PRPF18: variants seen among roughly 807,000 people sequenced by gnomAD.
The protein encoded by PRPF18 is pre-mRNA-splicing factor 18.
A neutral mutation model predicts 46.5 loss-of-function variants in PRPF18; 38 were observed. The ratio of observed to expected loss-of-function variants is 0.82; its 90% CI spans 0.63 to 1.07. The LOEUF (loss-of-function observed/expected upper bound fraction) is 1.07, where lower values mean the gene tolerates loss of function less well. PRPF18 is among the 50% of genes least tolerant of loss of function. PRPF18 has a pLI of 0.00. For missense variants in PRPF18, 263 were observed against 410.0 expected, an observed-to-expected ratio of 0.64 and a Z score of 3.10; for synonymous variants, 152 against 146.7, an observed-to-expected ratio of 1.04 and a Z score of -0.26.
intron 8 of PRPF18, among the ~76,000 whole-genome samples, chr10:13,615,710 G>T (rs2080328890): frequency 6.6e-6 from 1 of 152,014 alleles, no homozygotes; most frequent in African/African-American, 2.4e-5. Context: ...CAGCTAGCCA[G>T]GCTTGGTTAG....
rs557702663 is a variant in PRPF18, at chr10:13,607,103, T to G, written c.363+1359T>G. 2.0e-5 allele frequency among the ~76,000 whole-genome samples: 3 copies of G among 152,278 alleles called. No homozygotes were observed. In the East Asian group the frequency reaches 5.8e-4, roughly 29 times the overall value. On this transcript the variant is annotated intron_variant, in intron 4 of 9. Transcript: ENST00000378572. ...AAGTCTTTCTTTCCTTATTTATTTA[T>G]TTTTTTGACACAGAGTCTCACTCCG...
chr10:13,635,505 C>A (rs1046220654), downstream of PRPF18, among the ~76,000 whole-genome samples: 2 of 152,244 alleles, frequency 1.3e-5, no homozygotes, highest in Non-Finnish European at 2.9e-5. Context: ...AATTTACACT[C>A]CCACCAATAG....
the PRPF18 span, chr10:13,637,073 T>G: frequency 1.5e-5 from 2 of 134,542 alleles, no homozygotes; most frequent in African/African-American, 2.5e-5. Context: ...GTCTCACAAT[T>G]TATTCTACTG....
intron 2 of PRPF18, 168 bp downstream of exon 2, chr10:13,597,703 A>C: frequency 6.4e-7 from 1 of 1,571,344 alleles, no homozygotes. Flanking sequence ...TTTTTAAAAA[A>C]ATCTTGAATT....
intron 3 of PRPF18, among the ~76,000 whole-genome samples, chr10:13,602,536 G>T (rs561127855): frequency 6.7e-6 from 1 of 150,318 alleles, no homozygotes; most frequent in Non-Finnish European, 1.5e-5. Context: ...TGAGCATCAT[G>T]CTTGGAAAGG....
downstream of PRPF18, among the ~76,000 whole-genome samples, chr10:13,634,414 T>C (rs550739454): frequency 3.9e-4 from 59 of 152,352 alleles, no homozygotes; most frequent in African/African-American, 1.4e-3. Flanking sequence ...GATCTCAGAC[T>C]CTTTCACTGA....
At chr10:13,588,576 TAAA>T (rs771376532) in intron 1 of PRPF18, among the ~76,000 whole-genome samples, 140 of 127,270 alleles carry the variant, frequency 1.1e-3, no homozygotes, top group African/African-American at 3.6e-3. Flanking sequence ...TCCCTGTCTC[TAAA>T]AAAAAAAAAA....
intron 2 of PRPF18, among the ~76,000 whole-genome samples, chr10:13,598,759 A>G (rs1016243017): frequency 4.6e-5 from 7 of 152,194 alleles, no homozygotes; most frequent in Non-Finnish European, 1.0e-4. Context: ...TGCCTTGCCC[A>G]GTGTTGTCTA....
At chr10:13,591,098 A>T (rs1035339725) in intron 1 of PRPF18, among the ~76,000 whole-genome samples, 31 of 152,256 alleles carry the variant, frequency 2.0e-4, no homozygotes, top group African/African-American at 7.5e-4. Context: ...CAGCCGGGAT[A>T]GATCTCAAGT....
At chr10:13,607,584 T>A (rs2080209215) in intron 4 of PRPF18, among the ~76,000 whole-genome samples, 1 of 152,184 alleles carries the variant, frequency 6.6e-6, no homozygotes, top group African/African-American at 2.4e-5. Flanking sequence ...GCTGATTTTT[T>A]AATTTTTGTA....
intron 9 of PRPF18, among the ~76,000 whole-genome samples, chr10:13,629,934 G>A (rs1347698918): frequency 1.3e-5 from 2 of 152,224 alleles, no homozygotes; most frequent in Non-Finnish European, 2.9e-5. Flanking sequence ...ATTGTTACAT[G>A]TAGCTAGAGT....
chr10:13,639,418 G>A, the PRPF18 span: 123,747 of 151,980 alleles, frequency 0.81, 50,454 homozygotes, highest in East Asian at 0.85. Context: ...AAAATACATG[G>A]CTCTGGTTTC....
At chr10:13,602,577 T>C in intron 3 of PRPF18, among the ~76,000 whole-genome samples, 1 of 151,714 alleles carries the variant, frequency 6.6e-6, no homozygotes, top group East Asian at 1.9e-4. Flanking sequence ...TAAACAAAGA[T>C]ATATTAATTT....
At chr10:13,600,613 C>G (rs2080091717) in intron 3 of PRPF18, among the ~76,000 whole-genome samples, 1 of 152,112 alleles carries the variant, frequency 6.6e-6, no homozygotes, top group Admixed American at 6.5e-5. Context: ...ATTAAATGCT[C>G]TTATGCTAAA....
chr10:13,620,530 A>G (rs547966825), intron 9 of PRPF18, among the ~76,000 whole-genome samples: 2 of 152,326 alleles, frequency 1.3e-5, no homozygotes, highest in Non-Finnish European at 2.9e-5. Flanking sequence ...CTGTAAAACA[A>G]GATCTGGAGT....
chr10:13,604,520 C>T (rs2080157984), intron 3 of PRPF18, among the ~76,000 whole-genome samples: 1 of 152,080 alleles, frequency 6.6e-6, no homozygotes, highest in Non-Finnish European at 1.5e-5. Context: ...ATTATAACTC[C>T]CTGTTTTCTG....
chr10:13,606,758 A>AAAAAAC (rs59132097), intron 4 of PRPF18, among the ~76,000 whole-genome samples: 1 of 141,680 alleles, frequency 7.1e-6, no homozygotes, highest in Non-Finnish European at 1.6e-5. Flanking sequence ...AAAAAAAAAA[A>AAAAAAC]CAGGGATAAA....
chr10:13,641,149 A>G, the PRPF18 span: 1 of 152,192 alleles, frequency 6.6e-6, no homozygotes, highest in African/African-American at 2.4e-5. Flanking sequence ...GGCCCCCTCT[A>G]CTTCCAGTGT....
the PRPF18 span, among the ~76,000 whole-genome samples, chr10:13,653,607 CCT>C: frequency 2.6e-5 from 4 of 152,250 alleles, no homozygotes; most frequent in Non-Finnish European, 5.9e-5. Flanking sequence ...CAGACATCCC[CCT>C]GATGCTCCAC....
Sources: gnomAD v4.1 joint callset for allele counts (sites outside exome capture counted in the v4.1 genomes callset) on GRCh38, gnomAD v4.1.1 for gene constraint, MANE v1.5 for transcripts, NCBI Gene and HGNC (gene_info 2026-07-23, HGNC 2026-07-21) for gene names.